Variants in POFUT3 observed in about 807,000 individuals in gnomAD.
POFUT3 encodes the protein GDP-fucose protein O-fucosyltransferase 3.
the POFUT3 span, among the ~76,000 whole-genome samples, chr8:33,449,140 T>A: frequency 3.3e-5 from 5 of 152,082 alleles, no homozygotes; most frequent in Non-Finnish European, 7.4e-5. Context: ...TTCCTCATGA[T>A]TGGCACTGTG....
At chr8:33,453,461 C>T in the POFUT3 span, 1 of 1,613,586 alleles carries the variant, frequency 6.2e-7, no homozygotes, top group African/African-American at 1.3e-5. Flanking sequence ...ATCTTGCAAA[C>T]TGGAACTTTT....
At chr8:33,383,203 C>G in the POFUT3 span, among the ~76,000 whole-genome samples, 1 of 152,130 alleles carries the variant, frequency 6.6e-6, no homozygotes, top group Non-Finnish European at 1.5e-5. Context: ...CACTCCCCTA[C>G]TCCTCCCTCC....
At chr8:33,358,951 A>C in the POFUT3 span, among the ~76,000 whole-genome samples, 1 of 152,154 alleles carries the variant, frequency 6.6e-6, no homozygotes, top group African/African-American at 2.4e-5. Flanking sequence ...CCAGACACCA[A>C]ATCAGCTGGC....
At chr8:33,464,111 T>C in the POFUT3 span, among the ~76,000 whole-genome samples, 3 of 152,188 alleles carry the variant, frequency 2.0e-5, no homozygotes, top group African/African-American at 4.8e-5. Context: ...TGAGCTATGA[T>C]TGGTAAAACA....
the POFUT3 span, among the ~76,000 whole-genome samples, chr8:33,323,809 G>A: frequency 6.6e-6 from 1 of 152,170 alleles, no homozygotes; most frequent in Non-Finnish European, 1.5e-5. Flanking sequence ...GGCACGTGCT[G>A]CCTTGTGAAA....
At chr8:33,342,111 T>C in the POFUT3 span, among the ~76,000 whole-genome samples, 1 of 151,546 alleles carries the variant, frequency 6.6e-6, no homozygotes, top group Non-Finnish European at 1.5e-5. Flanking sequence ...ACCCGGGAGG[T>C]GGAGGCTGCA....
the POFUT3 span, among the ~76,000 whole-genome samples, chr8:33,406,173 G>A: frequency 6.6e-6 from 1 of 151,800 alleles, no homozygotes; most frequent in African/African-American, 2.4e-5. Flanking sequence ...TTTAGTTATA[G>A]CCATACTATA....
At chr8:33,309,167 A>AAAAAT in the POFUT3 span, among the ~76,000 whole-genome samples, 38 of 53,684 alleles carry the variant, frequency 7.1e-4, no homozygotes, top group Non-Finnish European at 9.2e-4. Context: ...AAAAAAAAAA[A>AAAAAT]ATATATATAT....
chr8:33,332,183 A>C, the POFUT3 span, among the ~76,000 whole-genome samples: 1 of 133,128 alleles, frequency 7.5e-6, no homozygotes. Context: ...GAGGAGGAGG[A>C]AAAAAAAAAA....
chr8:33,436,829 A>T, the POFUT3 span: 1 of 431,252 alleles, frequency 2.3e-6, no homozygotes, highest in Non-Finnish European at 4.2e-6. Context: ...CATGTGCATG[A>T]TGCTGAAGTT....
the POFUT3 span, among the ~76,000 whole-genome samples, chr8:33,314,792 C>T: frequency 6.6e-6 from 1 of 152,142 alleles, no homozygotes; most frequent in East Asian, 1.9e-4. Context: ...ACCTTGGAAA[C>T]ATTATTTACC....
At chr8:33,434,332 T>A in the POFUT3 span, among the ~76,000 whole-genome samples, 1 of 152,226 alleles carries the variant, frequency 6.6e-6, no homozygotes, top group Non-Finnish European at 1.5e-5. Flanking sequence ...CCCTCTTGAA[T>A]CTGATTCTCT....
chr8:33,407,700 G>A, the POFUT3 span, among the ~76,000 whole-genome samples: 1 of 152,116 alleles, frequency 6.6e-6, no homozygotes, highest in Non-Finnish European at 1.5e-5. Context: ...GTAGCTGAGA[G>A]CCTTAAGTTA....
chr8:33,428,647 C>T, the POFUT3 span, among the ~76,000 whole-genome samples: 2 of 152,158 alleles, frequency 1.3e-5, no homozygotes, highest in Non-Finnish European at 2.9e-5. Flanking sequence ...GAAACTTAAT[C>T]CCCAACACAA....
the POFUT3 span, among the ~76,000 whole-genome samples, chr8:33,376,988 G>C: frequency 6.6e-6 from 1 of 152,164 alleles, no homozygotes; most frequent in East Asian, 1.9e-4. Context: ...TGTAATCTCA[G>C]CAATTAGGCT....
At chr8:33,453,579 T>C in the POFUT3 span, 1 of 1,293,048 alleles carries the variant, frequency 7.7e-7, no homozygotes, top group South Asian at 1.4e-5. Flanking sequence ...CTCATTAATC[T>C]TGATGATTTA....
chr8:33,435,779 G>C, the POFUT3 span, among the ~76,000 whole-genome samples: 1 of 152,082 alleles, frequency 6.6e-6, no homozygotes, highest in Admixed American at 6.6e-5. Flanking sequence ...GCCTCCCAAA[G>C]TGCTGGAATT....
At chr8:33,409,133 G>T in the POFUT3 span, among the ~76,000 whole-genome samples, 1 of 152,010 alleles carries the variant, frequency 6.6e-6, no homozygotes, top group Non-Finnish European at 1.5e-5. Context: ...ACAGAGTTTT[G>T]CTTTTATTGC....
chr8:33,464,097 T>A, the POFUT3 span, among the ~76,000 whole-genome samples: 1 of 152,138 alleles, frequency 6.6e-6, no homozygotes. Context: ...TTGTGAGAAT[T>A]TTATGAGCTA....
Sources: allele counts gnomAD v4.1 joint callset (sites outside exome capture counted in the v4.1 genomes callset), GRCh38; gene constraint gnomAD v4.1.1; transcripts MANE v1.5; gene names NCBI Gene and HGNC (gene_info 2026-07-23, HGNC 2026-07-21).